The following SPOCK1 variants were observed in gnomAD, a reference collection of about 807,000 sequenced individuals.
The protein encoded by SPOCK1 is testican-1.
Under a neutral mutation model 55.3 loss-of-function variants are expected in SPOCK1, and 23 were observed. The ratio of observed to expected loss-of-function variants is 0.42; its 90% CI spans 0.30 to 0.59. The LOEUF (loss-of-function observed/expected upper bound fraction) is 0.59. SPOCK1 is among the 20% of genes least tolerant of loss of function. The pLI is 0.22. For synonymous variants in SPOCK1, 226 were observed against 221.0 expected, an observed-to-expected ratio of 1.02 and a Z score of -0.20; for missense variants, 499 against 552.5, an observed-to-expected ratio of 0.90 and a Z score of 0.97.
At chr5:137,304,640 C>A (rs1441562007) in intron 2 of SPOCK1, among the ~76,000 whole-genome samples, 2 of 152,148 alleles carry the variant, frequency 1.3e-5, no homozygotes, top group African/African-American at 2.4e-5. Context: ...AGCTTCCCCC[C>A]ACTGGGTGAG....
At chr5:137,151,193 A>G (rs1213019815) in intron 3 of SPOCK1, among the ~76,000 whole-genome samples, 1 of 151,976 alleles carries the variant, frequency 6.6e-6, no homozygotes, top group Non-Finnish European at 1.5e-5. Context: ...GGATCTGTCT[A>G]TGTTGCCCAG....
intron 3 of SPOCK1, among the ~76,000 whole-genome samples, chr5:137,218,263 T>A (rs554858407): frequency 1.3e-5 from 2 of 152,244 alleles, no homozygotes; most frequent in Admixed American, 1.3e-4. Flanking sequence ...TTCGGTCTAA[T>A]GGGTTGATGG....
intron 3 of SPOCK1, among the ~76,000 whole-genome samples, chr5:137,237,659 A>C (rs1194335693): frequency 6.6e-6 from 1 of 152,252 alleles, no homozygotes; most frequent in Non-Finnish European, 1.5e-5. Context: ...TTATTCAAAG[A>C]GTCAACGTGT....
At chr5:137,046,547 A>C (rs1752109230) in intron 6 of SPOCK1, among the ~76,000 whole-genome samples, 1 of 142,206 alleles carries the variant, frequency 7.0e-6, no homozygotes, top group South Asian at 2.5e-4. Context: ...GGCTGAGACA[A>C]TGGGGTTTTC....
chr5:137,104,550 TAGGAACCGGCCCACAGC>T (rs994604054), intron 5 of SPOCK1, among the ~76,000 whole-genome samples: 1 of 152,180 alleles, frequency 6.6e-6, no homozygotes, highest in African/African-American at 2.4e-5. Context: ...TGTGGTCTGT[TAGGAACCGGCCCACAGC>T]AGGAAATAAG....
chr5:137,457,173 C>A (rs1389094622), intron 2 of SPOCK1, among the ~76,000 whole-genome samples: 1 of 152,152 alleles, frequency 6.6e-6, no homozygotes, highest in Non-Finnish European at 1.5e-5. Flanking sequence ...TGGTTTTGAG[C>A]AGAAACCCAC....
At chr5:136,992,319 CCTATA>C (rs1315633149) in intron 7 of SPOCK1, among the ~76,000 whole-genome samples, 160 bp downstream of exon 7, 1 of 151,960 alleles carries the variant, frequency 6.6e-6, no homozygotes, top group Non-Finnish European at 1.5e-5. Context: ...TTTCAAAATG[CCTATA>C]CTAAACATTT....
chr5:137,013,081 C>G (rs1017772601), intron 6 of SPOCK1, among the ~76,000 whole-genome samples: 1 of 152,034 alleles, frequency 6.6e-6, no homozygotes, highest in Non-Finnish European at 1.5e-5. Flanking sequence ...GAGAGAGAGA[C>G]AGGGGAAGGT....
Position 137,140,987 on chromosome 5 carries a change from C to T in SPOCK1, c.233-293G>A, listed in dbSNP as rs905796388. 9.2e-5 allele frequency among the ~76,000 whole-genome samples: 14 copies of T among 151,868 alleles called. 1 individual carries two copies. The highest frequency in any genetic ancestry group is 1.8e-4 in the Non-Finnish European group (12 of 67,936). ...GTTGGCCAGGCTGGTCTCAAACTCC[C>T]GACTTCAGATGATCCACCTGCCTCG... On this transcript the variant is annotated intron_variant, in intron 3 of 10. Transcript: ENST00000394945.
intron 2 of SPOCK1, among the ~76,000 whole-genome samples, chr5:137,383,844 C>G (rs947011173): frequency 7.2e-5 from 11 of 152,198 alleles, no homozygotes; most frequent in Non-Finnish European, 1.2e-4. Flanking sequence ...TTGGGGAGTC[C>G]TGAATCATTT....
intron 6 of SPOCK1, among the ~76,000 whole-genome samples, chr5:137,058,399 G>T (rs1561593742): frequency 6.6e-6 from 1 of 152,198 alleles, no homozygotes; most frequent in Non-Finnish European, 1.5e-5. Flanking sequence ...TGTATAAAGT[G>T]CTTAGCACAA....
chr5:137,371,238 C>T (rs1403650563), intron 2 of SPOCK1, among the ~76,000 whole-genome samples: 2 of 152,240 alleles, frequency 1.3e-5, no homozygotes, highest in Non-Finnish European at 2.9e-5. Context: ...TCAGCTCCCT[C>T]ACGTCCTGGC....
At chr5:137,426,144 A>G (rs1561532835) in intron 2 of SPOCK1, among the ~76,000 whole-genome samples, 1 of 152,220 alleles carries the variant, frequency 6.6e-6, no homozygotes, top group Admixed American at 6.5e-5. Flanking sequence ...ACATGACAAG[A>G]GTACCTGGCT....
intron 3 of SPOCK1, among the ~76,000 whole-genome samples, chr5:137,219,684 A>C (rs1245307083): frequency 1.3e-5 from 2 of 152,232 alleles, no homozygotes; most frequent in African/African-American, 4.8e-5. Flanking sequence ...GCCTTTGCCC[A>C]ATGTTCTAGA....
intron 2 of SPOCK1, among the ~76,000 whole-genome samples, chr5:137,424,421 T>A (rs1752564952): frequency 6.6e-6 from 1 of 152,182 alleles, no homozygotes; most frequent in South Asian, 2.1e-4. Context: ...TATGTGTGGG[T>A]CTATTTCTGA....
At chr5:137,434,344 T>C (rs563274483) in intron 2 of SPOCK1, among the ~76,000 whole-genome samples, 1 of 152,262 alleles carries the variant, frequency 6.6e-6, no homozygotes, top group Admixed American at 6.5e-5. Context: ...CTTTGATAGA[T>C]CTGCAGGATA....
intron 6 of SPOCK1, among the ~76,000 whole-genome samples, chr5:137,007,415 A>G (rs963877537): frequency 3.9e-5 from 6 of 152,188 alleles, no homozygotes; most frequent in Non-Finnish European, 7.3e-5. Flanking sequence ...AAGGGCTAAT[A>G]TCCAGCAACT....
intron 2 of SPOCK1, among the ~76,000 whole-genome samples, chr5:137,430,801 C>T (rs998962147): frequency 1.1e-4 from 17 of 152,298 alleles, no homozygotes; most frequent in Non-Finnish European, 1.5e-5. Flanking sequence ...TGTTGAGTGG[C>T]TGCCCAAAAG....
intron 3 of SPOCK1, among the ~76,000 whole-genome samples, chr5:137,249,575 T>A (rs562883092): frequency 6.6e-6 from 1 of 152,238 alleles, no homozygotes; most frequent in South Asian, 2.1e-4. Flanking sequence ...AGAATAGTTA[T>A]CTATGGGAAG....
Sources: allele counts gnomAD v4.1 joint callset (sites outside exome capture counted in the v4.1 genomes callset), GRCh38; gene constraint gnomAD v4.1.1; transcripts MANE v1.5; gene names NCBI Gene and HGNC (gene_info 2026-07-23, HGNC 2026-07-21).